The following EYA4 variants were observed in gnomAD, a reference collection of about 807,000 sequenced individuals.
The protein encoded by EYA4 is EYA transcriptional coactivator and phosphatase 4.
In EYA4, 31 loss-of-function variants were observed where a neutral mutation model predicts 87.9. The observed-to-expected ratio is 0.35, with a 90% confidence interval of 0.27 to 0.48. The LOEUF (loss-of-function observed/expected upper bound fraction) is 0.48. Among genes scored for constraint, EYA4 ranks in the 20% least tolerant of loss-of-function variants. The pLI, the probability that EYA4 is intolerant of heterozygous loss-of-function variation, is 0.99. For missense variants in EYA4, 678 were observed against 761.4 expected, an observed-to-expected ratio of 0.89 and a Z score of 1.29; for synonymous variants, 263 against 270.6, an observed-to-expected ratio of 0.97 and a Z score of 0.28.
At chr6:133,274,949 G>T in intron 2 of EYA4, 136 bp downstream of exon 2, 2 of 733,918 alleles carry the variant, frequency 2.7e-6, no homozygotes, top group South Asian at 3.4e-5. Context: ...TCCTTTCAAA[G>T]ACCATGAAAC....
intron 1 of EYA4, among the ~76,000 whole-genome samples, chr6:133,243,972 C>T (rs1020653933): frequency 6.6e-6 from 1 of 152,122 alleles, no homozygotes; most frequent in Non-Finnish European, 1.5e-5. Context: ...TAGTTTGTTC[C>T]ACCTGATTAA....
chr6:133,395,126 A>G (rs1787671614), intron 3 of EYA4, among the ~76,000 whole-genome samples: 1 of 152,140 alleles, frequency 6.6e-6, no homozygotes, highest in Non-Finnish European at 1.5e-5. Context: ...ATTTGACTAA[A>G]CCATAATGAC....
At chr6:133,323,121 A>G (rs952060592) in intron 2 of EYA4, among the ~76,000 whole-genome samples, 1 of 151,052 alleles carries the variant, frequency 6.6e-6, no homozygotes, top group African/African-American at 2.4e-5. Context: ...AGGATCAAAA[A>G]CTCATGATGA....
intron 2 of EYA4, among the ~76,000 whole-genome samples, chr6:133,293,805 C>T (rs751918982): frequency 9.3e-5 from 14 of 151,304 alleles, no homozygotes; most frequent in Non-Finnish European, 1.8e-4. Flanking sequence ...GGCATGGTGG[C>T]ATGCACCTGT....
intron 2 of EYA4, among the ~76,000 whole-genome samples, chr6:133,306,721 G>A (rs201086572): frequency 6.6e-6 from 1 of 151,942 alleles, no homozygotes; most frequent in South Asian, 2.1e-4. Context: ...ACCTGATATT[G>A]TAGCCATATT....
At chr6:133,353,686 C>T (rs543173934) in intron 2 of EYA4, among the ~76,000 whole-genome samples, 3 of 152,248 alleles carry the variant, frequency 2.0e-5, no homozygotes, top group African/African-American at 7.2e-5. Flanking sequence ...CATAGGAATA[C>T]TTAAAAAGAC....
intron 2 of EYA4, among the ~76,000 whole-genome samples, chr6:133,329,332 T>C (rs1365027282): frequency 6.6e-6 from 1 of 152,196 alleles, no homozygotes; most frequent in South Asian, 2.1e-4. Context: ...GTCCGTTGAG[T>C]AACTACTATG....
At chr6:133,416,897 C>T (rs1415870345) in intron 3 of EYA4, among the ~76,000 whole-genome samples, 1 of 152,146 alleles carries the variant, frequency 6.6e-6, no homozygotes, top group Non-Finnish European at 1.5e-5. Context: ...TGGAGTTGGC[C>T]GGGGCCCACT....
At chr6:133,515,200 C>G (rs1360330679) in intron 16 of EYA4, 121 bp from the exon 17 acceptor site, 3 of 721,458 alleles carry the variant, frequency 4.2e-6, no homozygotes, top group South Asian at 1.4e-5. Context: ...ATCTGTATCT[C>G]TCTGCATTTC....
intron 1 of EYA4, among the ~76,000 whole-genome samples, chr6:133,266,991 A>C (rs1024331192): frequency 6.6e-6 from 1 of 152,204 alleles, no homozygotes; most frequent in Non-Finnish European, 1.5e-5. Flanking sequence ...TAGGTAAATA[A>C]GACAAACATT....
chr6:133,483,309 T>G (rs1796384038), intron 13 of EYA4, among the ~76,000 whole-genome samples, 194 bp downstream of exon 13: 1 of 152,190 alleles, frequency 6.6e-6, no homozygotes, highest in Non-Finnish European at 1.5e-5. Flanking sequence ...AATTATAAAT[T>G]GAATTCCTTG....
In EYA4 at chr6:133,531,460, G is replaced by T; in HGVS notation, c.*2655G>T. The T allele has an allele frequency of 4.0e-6, 2 of 495,902 alleles. No homozygotes were observed. The highest frequency in any genetic ancestry group is 6.8e-5 in the South Asian group (2 of 29,492). The allele number at this position is 495,902 out of a possible 1,614,324, so 30.7% of individuals were successfully genotyped here. On this transcript the variant is annotated 3_prime_UTR_variant, in exon 20 of 20. Coordinates refer to ENST00000355286, the MANE Select transcript of EYA4 (RefSeq NM_004100.5). Reference sequence around the variant, plus strand: ...ACCTCCTATTGACATATGGAATATTGTGCCTTATTGTAAACCAGTTTGAAA... The same window carrying T: ...ACCTCCTATTGACATATGGAATATTTTGCCTTATTGTAAACCAGTTTGAAA...
chr6:133,395,787 C>T (rs1787736566), intron 3 of EYA4, among the ~76,000 whole-genome samples: 1 of 152,062 alleles, frequency 6.6e-6, no homozygotes, highest in Admixed American at 6.6e-5. Context: ...TAAAAACCCT[C>T]TAAGTTTGCT....
At chr6:133,348,050 A>C (rs1200789188) in intron 2 of EYA4, among the ~76,000 whole-genome samples, 1 of 152,158 alleles carries the variant, frequency 6.6e-6, no homozygotes, top group Non-Finnish European at 1.5e-5. Context: ...TGCCATAATT[A>C]GTTGTGTGAC....
At position 133,499,517 on chromosome 6, in the gene EYA4, G is replaced by A. The variant is rs376519395; in HGVS notation, c.1192-6589G>A. 3.9e-5 allele frequency among the ~76,000 whole-genome samples: 6 copies of A among 152,310 alleles called. No homozygotes were observed. The East Asian group carries it at 5.8e-4, about 15-fold the overall frequency. ...AAACTGTAGAAGCCTCTAGTGGTAAGTTGTGTGATGATCCCCTTCATCATA... is the reference window on the plus strand; with the variant it reads ...AAACTGTAGAAGCCTCTAGTGGTAAATTGTGTGATGATCCCCTTCATCATA... On this transcript the variant is annotated intron_variant, in intron 13 of 19. Transcript: ENST00000355286.
intron 3 of EYA4, among the ~76,000 whole-genome samples, chr6:133,403,207 A>G (rs1788414758): frequency 6.6e-6 from 1 of 152,350 alleles, no homozygotes; most frequent in South Asian, 2.1e-4. Context: ...ATTAGAATTT[A>G]TGTGATTTTA....
chr6:133,476,810 A>G (rs988848061), intron 11 of EYA4, among the ~76,000 whole-genome samples: 5 of 151,938 alleles, frequency 3.3e-5, no homozygotes, highest in Non-Finnish European at 7.4e-5. Context: ...GTTTTTAGGA[A>G]CTTCCATAGC....
At chr6:133,510,406 G>A in intron 14 of EYA4, 1 of 307,380 alleles carries the variant, frequency 3.3e-6, no homozygotes, top group Non-Finnish European at 6.5e-6. Context: ...GACTTTCCAA[G>A]TATGTCACCA....
At chr6:133,474,018 T>A (rs1209497354) in intron 11 of EYA4, among the ~76,000 whole-genome samples, 1 of 152,084 alleles carries the variant, frequency 6.6e-6, no homozygotes, top group Non-Finnish European at 1.5e-5. Context: ...GCAGTGGAGA[T>A]ACTTCAGGGA....
Sources: allele counts gnomAD v4.1 joint callset (sites outside exome capture counted in the v4.1 genomes callset), GRCh38; gene constraint gnomAD v4.1.1; transcripts MANE v1.5; gene names NCBI Gene and HGNC (gene_info 2026-07-23, HGNC 2026-07-21).